The following CDH13 variants were observed in gnomAD, a reference collection of about 807,000 sequenced individuals.
The protein encoded by CDH13 is cadherin 13.
Under a neutral mutation model 63.8 loss-of-function variants are expected in CDH13, and 24 were observed. That is an observed-to-expected ratio of 0.38 (90% CI 0.27 to 0.53). The LOEUF is 0.53. CDH13 is among the 20% of genes least tolerant of loss of function. CDH13 has a pLI of 0.85. For synonymous variants in CDH13, 503 were observed against 355.3 expected, an observed-to-expected ratio of 1.42 and a Z score of -4.67; for missense variants, 1,049 against 903.1, an observed-to-expected ratio of 1.16 and a Z score of -2.07.
At chr16:82,753,728 T>C (rs1235311827) in intron 1 of CDH13, among the ~76,000 whole-genome samples, 1 of 152,186 alleles carries the variant, frequency 6.6e-6, no homozygotes, top group Non-Finnish European at 1.5e-5. Flanking sequence ...TGCCATCTCA[T>C]AAACAGGCTT....
At chr16:82,674,574 G>T (rs768524270) in intron 1 of CDH13, among the ~76,000 whole-genome samples, 1 of 152,210 alleles carries the variant, frequency 6.6e-6, no homozygotes, top group African/African-American at 2.4e-5. Flanking sequence ...CACCTGAGAA[G>T]TCCTTGGATC....
intron 5 of CDH13, among the ~76,000 whole-genome samples, chr16:83,239,261 T>C (rs1040711202): frequency 1.3e-5 from 2 of 152,028 alleles, no homozygotes; most frequent in Admixed American, 1.3e-4. Flanking sequence ...GCTCCTCAAG[T>C]TGGAAATAAA....
At chr16:83,713,755 A>C (rs564465181) in intron 10 of CDH13, among the ~76,000 whole-genome samples, 146 of 152,232 alleles carry the variant, frequency 9.6e-4, no homozygotes, top group African/African-American at 3.4e-3. Context: ...TTCAAATTAG[A>C]ACAGTTAAGA....
At chr16:83,058,533 C>T (rs910299235) in intron 3 of CDH13, among the ~76,000 whole-genome samples, 1 of 152,130 alleles carries the variant, frequency 6.6e-6, no homozygotes, top group Non-Finnish European at 1.5e-5. Flanking sequence ...CAAATTCCAA[C>T]CATGTTGCCA....
At chr16:82,825,051 T>C (rs2038177621) in intron 1 of CDH13, 2 of 152,192 alleles carry the variant, frequency 1.3e-5, no homozygotes, top group Admixed American at 6.5e-5. Context: ...GGTGAGCTAA[T>C]GGTAGCCATG....
chr16:83,038,135 G>A (rs749196793), intron 3 of CDH13, among the ~76,000 whole-genome samples: 10 of 152,214 alleles, frequency 6.6e-5, no homozygotes, highest in Non-Finnish European at 4.4e-5. Context: ...TCATGTCACT[G>A]TGTTTTGGAA....
rs375548442 is a variant in CDH13 at position 83,067,289 on chromosome 16, G to T, written c.366+35071G>T. On this transcript the variant is annotated intron_variant, in intron 3 of 13. Transcript: ENST00000567109. Reference sequence around the variant, plus strand: ...GGCTCTGCATAGTACAGTGGTTAACGGCACGGGCTGAGAACTGAGGAATAC... The same window carrying T: ...GGCTCTGCATAGTACAGTGGTTAACTGCACGGGCTGAGAACTGAGGAATAC... Among the ~76,000 whole-genome samples, 4 of 152,088 alleles carry T rather than the reference G, an allele frequency of 2.6e-5. No homozygotes were observed. In the South Asian group the frequency reaches 8.3e-4, roughly 32 times the overall value.
chr16:82,871,834 G>A (rs576301979), intron 2 of CDH13, among the ~76,000 whole-genome samples: 39 of 152,092 alleles, frequency 2.6e-4, no homozygotes, highest in Non-Finnish European at 5.4e-4. Flanking sequence ...TTCACTCTCA[G>A]AGGGTTTCCC....
At chr16:82,842,690 A>C (rs929789438) in intron 1 of CDH13, among the ~76,000 whole-genome samples, 58 of 150,874 alleles carry the variant, frequency 3.8e-4, no homozygotes, top group Non-Finnish European at 2.2e-4. Flanking sequence ...AGCACATTAC[A>C]TTTATCGTAC....
intron 4 of CDH13, among the ~76,000 whole-genome samples, chr16:83,172,238 C>T (rs924809976): frequency 5.3e-5 from 8 of 152,218 alleles, no homozygotes; most frequent in African/African-American, 1.9e-4. Flanking sequence ...TGCCTGTAAT[C>T]CCAGCACTTT....
chr16:83,039,175 C>G (rs571571806), intron 3 of CDH13, among the ~76,000 whole-genome samples: 1 of 152,192 alleles, frequency 6.6e-6, no homozygotes, highest in Non-Finnish European at 1.5e-5. Context: ...TTCACTGCTC[C>G]CAGTCTGGAG....
At chr16:83,409,175 G>A (rs1237097011) in intron 6 of CDH13, among the ~76,000 whole-genome samples, 1 of 152,080 alleles carries the variant, frequency 6.6e-6, no homozygotes, top group Non-Finnish European at 1.5e-5. Flanking sequence ...TTTCATGAGA[G>A]ACTGGAGCAT....
In CDH13 at chr16:83,140,088, G is replaced by A. The variant is rs138152286; in HGVS notation, c.483+14587G>A. Among the ~76,000 whole-genome samples, 5 of 152,264 alleles carry A rather than the reference G, an allele frequency of 3.3e-5. No homozygotes were observed. In the East Asian group the frequency reaches 7.7e-4, roughly 24 times the overall value. On this transcript the variant is annotated intron_variant, in intron 4 of 13. Coordinates refer to ENST00000567109, the MANE Select transcript of CDH13 (RefSeq NM_001257.5). ...TTTTACCTCTCTATTTTTAAAGTGC[G>A]TATACATTCATAAAGACACAGCATC...
At chr16:82,755,813 C>T (rs2034592937) in intron 1 of CDH13, among the ~76,000 whole-genome samples, 1 of 152,172 alleles carries the variant, frequency 6.6e-6, no homozygotes, top group Admixed American at 6.5e-5. Flanking sequence ...GGGATTTAGG[C>T]ATTTGTTTTG....
chr16:83,314,890 C>T (rs541222633), intron 5 of CDH13, among the ~76,000 whole-genome samples: 7 of 152,288 alleles, frequency 4.6e-5, no homozygotes, highest in Non-Finnish European at 1.0e-4. Context: ...GTCAGTGGTT[C>T]CTGTGGGTTC....
rs114500481 is a variant in CDH13 at position 83,450,113 on chromosome 16, G to A, written c.782-36364G>A. 8.7e-3 allele frequency among the ~76,000 whole-genome samples: 1,322 copies of A among 152,266 alleles called. 23 individuals are homozygous for A. Among genetic ancestry groups the A allele is most frequent in the African/African-American group, 0.03 (1,256 of 41,532 alleles). ...GTGCCTACTGGGGAAGGCAGATATGGATAAACCACAGCAGCGCCCTGTGAT... is the reference window on the plus strand; with the variant it reads ...GTGCCTACTGGGGAAGGCAGATATGAATAAACCACAGCAGCGCCCTGTGAT... On this transcript the variant is annotated intron_variant, in intron 6 of 13. Coordinates refer to ENST00000567109, the MANE Select transcript of CDH13 (RefSeq NM_001257.5).
intron 4 of CDH13, among the ~76,000 whole-genome samples, chr16:83,149,957 A>G (rs1348010265): frequency 2.0e-5 from 3 of 152,192 alleles, no homozygotes; most frequent in Non-Finnish European, 2.9e-5. Flanking sequence ...ACAAGCAGCG[A>G]TGTGAGATTG....
chr16:82,956,722 C>T (rs1906168194), intron 2 of CDH13, among the ~76,000 whole-genome samples: 1 of 152,188 alleles, frequency 6.6e-6, no homozygotes, highest in Non-Finnish European at 1.5e-5. Context: ...TCTTACTATC[C>T]CTAGAATGTG....
At chr16:83,135,807 GA>G (rs1322731745) in intron 4 of CDH13, among the ~76,000 whole-genome samples, 1 of 152,158 alleles carries the variant, frequency 6.6e-6, no homozygotes, top group Non-Finnish European at 1.5e-5. Flanking sequence ...AAGAAACTGT[GA>G]CATATGTATA....
Sources: gnomAD v4.1 joint callset for allele counts (sites outside exome capture counted in the v4.1 genomes callset) on GRCh38, gnomAD v4.1.1 for gene constraint, MANE v1.5 for transcripts, NCBI Gene and HGNC (gene_info 2026-07-23, HGNC 2026-07-21) for gene names.